Variants in ZNF865 observed in about 807,000 individuals in gnomAD.
The protein encoded by ZNF865 is zinc finger protein 865.
For synonymous variants in ZNF865, 763 were observed against 750.8 expected (o/e 1.02, Z -0.27); for missense variants, 1,311 against 1,593.4 (o/e 0.82, Z 3.02).
chr19:55,614,825 G>C lies in ZNF865; in HGVS notation c.1207G>C (p.Asp403His), dbSNP rs1169420897. 7 of 1,537,182 alleles carry C rather than the reference G, an allele frequency of 4.6e-6. No homozygotes were observed. The highest frequency in any genetic ancestry group is 6.1e-6 in the Non-Finnish European group (7 of 1,148,454). ...GCGCCACGTGAAGACGCACTCGGCC[G>C]ACCTCCTGCGCCTGCCCTGCGGCAT... ...LKRHVKTHSA[D>H]LLRLPCGICG... The change falls in exon 2 of 2, where the codon GAC becomes CAC. Residue 403 changes from aspartate to histidine, a missense_variant. By Grantham distance (81) the Asp-to-His change is moderately conservative. Coordinates refer to ENST00000568956, the MANE Select transcript of ZNF865 (RefSeq NM_001195605.2). This position sits in a 1 kb window ranked among gnomAD's most constrained non-coding sequence, Gnocchi z 8.0.
chr19:55,608,242 G>A (rs1374864129), intron 1 of ZNF865, among the ~76,000 whole-genome samples: 1 of 151,924 alleles, frequency 6.6e-6, no homozygotes, highest in East Asian at 1.9e-4. Flanking sequence ...CAAAGGCCCT[G>A]CAGCAGGAAT....
At position 55,616,845 on chromosome 19, in the gene ZNF865, C is replaced by G; in HGVS notation, c.*47C>G. On this transcript the variant is annotated 3_prime_UTR_variant, in exon 2 of 2. Coordinates refer to ENST00000568956, the MANE Select transcript of ZNF865 (RefSeq NM_001195605.2). ...CCCATCAAAAGCCCCCTTCTGGACT[C>G]CCACCTCCCAGGACTGATCAGACTC... 1 of 1,427,126 alleles carries G rather than the reference C, an allele frequency of 7.0e-7. No homozygotes were observed. The highest frequency in any genetic ancestry group is 9.1e-7 in the Non-Finnish European group (1 of 1,093,366). 88.4% of individuals were successfully genotyped at this position (1,427,126 alleles called of 1,614,324 possible).
Position 55,615,836 on chromosome 19 carries a change from TC to T in ZNF865, c.2220del (p.Ser741AlafsTer68). 6.6e-7 allele frequency: 1 copy of T among 1,504,042 alleles called. No individual in the cohort carries two copies. The highest frequency in any genetic ancestry group is 8.8e-7 in the Non-Finnish European group (1 of 1,133,328). 93.2% of individuals were successfully genotyped at this position (1,504,042 alleles called of 1,614,324 possible). On this transcript the variant is annotated frameshift_variant, in exon 2 of 2. Transcript: ENST00000568956. LOFTEE classifies it low-confidence loss of function (END_TRUNC). The part of the protein sequence containing the change: ...APGGLQPPDG[S>X]SGTDAASVLD... The stretch of plus-strand genomic sequence containing the variant: ...CGGCGGCCTGCAGCCCCCGGACGGC[TC>T]CAGCGGCACGGATGCGGCCAGCGTG...
rs1024010365 is a variant in ZNF865, at chr19:55,615,115, C to T, written c.1497C>T (p.Pro499=). 1,193 of 1,201,184 alleles carry T rather than the reference C, an allele frequency of 9.9e-4. No homozygotes were observed. Among genetic ancestry groups the T allele is most frequent in the Non-Finnish European group, 1.2e-3 (1,148 of 967,464 alleles). 74.4% of individuals were successfully genotyped at this position (1,201,184 alleles called of 1,614,324 possible). Residue 499 remains proline, a synonymous_variant, in exon 2 of 2, where the codon CCC becomes CCT. Transcript: ENST00000568956. The part of the protein sequence containing the change: ...PGPYLLPPDP[P]TTDSEKAAAA... ...CGTACCTCCTGCCCCCCGACCCTCC[C>T]ACCACAGACAGCGAGAAGGCGGCGG...
At chr19:55,606,112 C>A (rs1600005617) in intron 1 of ZNF865, among the ~76,000 whole-genome samples, 1 of 152,256 alleles carries the variant, frequency 6.6e-6, no homozygotes, top group African/African-American at 2.4e-5. Flanking sequence ...CTCGTGAACC[C>A]TCTTATTAGT....
Position 55,615,926 on chromosome 19 carries a change from G to T in ZNF865, c.2308G>T (p.Gly770Cys). 1 of 1,498,992 alleles carries T rather than the reference G, an allele frequency of 6.7e-7. No individual in the cohort carries two copies. The allele number at this position is 1,498,992 out of a possible 1,614,324, so 92.9% of individuals were successfully genotyped here. A position where few individuals can be genotyped will look rare whatever the true frequency, so the allele number is the denominator to read the frequency against. ...AVAALAGVSG[G>C]EDAGGAAVAG... ...GGCGGCACTGGCAGGGGTGTCTGGGGGTGAGGACGCAGGCGGGGCGGCGGT... is the reference window on the plus strand; with the variant it reads ...GGCGGCACTGGCAGGGGTGTCTGGGTGTGAGGACGCAGGCGGGGCGGCGGT... The change falls in exon 2 of 2, where the codon GGT becomes TGT. Residue 770 changes from glycine to cysteine, a missense_variant. Coordinates refer to ENST00000568956, the MANE Select transcript of ZNF865 (RefSeq NM_001195605.2).
rs964593623 is a variant in ZNF865 at position 55,615,529 on chromosome 19, C to T, written c.1911C>T (p.Ala637=). The part of the protein sequence containing the change: ...VHRLQLPCAL[A]GAAGLPSTQG... ...GGCTCCAGCTGCCCTGCGCCCTGGC[C>T]GGGGCAGCCGGCCTCCCCTCCACCC... The change falls in exon 2 of 2, where the codon GCC becomes GCT. Residue 637 remains alanine (A), a synonymous_variant. Coordinates refer to ENST00000568956, the MANE Select transcript of ZNF865 (RefSeq NM_001195605.2). 4.9e-5 allele frequency: 74 copies of T among 1,505,546 alleles called. No individual in the cohort carries two copies. In the African/African-American group the frequency reaches 6.8e-4, roughly 14 times the overall value. The allele number at this position is 1,505,546 out of a possible 1,614,324, so 93.3% of individuals were successfully genotyped here.
At chr19:55,606,017 C>T (rs1205170525) in intron 1 of ZNF865, among the ~76,000 whole-genome samples, 4 of 152,164 alleles carry the variant, frequency 2.6e-5, no homozygotes, top group Non-Finnish European at 5.9e-5. Context: ...GTAGGATCCC[C>T]TCCACATAGC....
chr19:55,610,138 A>G (rs1347868207), intron 1 of ZNF865, among the ~76,000 whole-genome samples: 1 of 152,212 alleles, frequency 6.6e-6, no homozygotes, highest in African/African-American at 2.4e-5. Context: ...TTCATTCCAC[A>G]AATACCAAGA....
chr19:55,616,490 C>G lies in ZNF865; in HGVS notation c.2872C>G (p.Arg958Gly), dbSNP rs1473395472. The change falls in exon 2 of 2, where the codon CGC becomes GGC. Residue 958 changes from arginine to glycine, a missense_variant. Arg to Gly is a moderately radical substitution (Grantham distance 125). Coordinates refer to ENST00000568956, the MANE Select transcript of ZNF865 (RefSeq NM_001195605.2). Reference sequence around the variant, plus strand: ...GCACCAGCGGCTGCACCTGGGCGAGCGCGCCTACCGCTGTGAGCACTGCGG... The same window carrying G: ...GCACCAGCGGCTGCACCTGGGCGAGGGCGCCTACCGCTGTGAGCACTGCGG... ...LEHQRLHLGE[R>G]AYRCEHCGKG... 12 of 1,533,716 alleles carry G rather than the reference C, an allele frequency of 7.8e-6. No individual in the cohort carries two copies. In the African/African-American group the frequency reaches 1.6e-4, roughly 21 times the overall value.
In ZNF865 at chr19:55,617,160, T is replaced by A. The variant is rs1313869703; in HGVS notation, c.*362T>A. ...CTGGACAGTGGAGTATGAGCAGAGT[T>A]GGGAGGGCACAAGGGAGTGCTGGGT... is the stretch of plus-strand genomic sequence containing the variant. On this transcript the variant is annotated 3_prime_UTR_variant, in exon 2 of 2. Transcript: ENST00000568956. 7.3e-5 allele frequency: 2 copies of A among 27,388 alleles called. No individual in the cohort carries two copies. The highest frequency in any genetic ancestry group is 1.1e-3 in the Admixed American group (2 of 1,856). 1.7% of individuals were successfully genotyped at this position (27,388 alleles called of 1,614,324 possible).
rs1341529738 is a variant in ZNF865, at chr19:55,616,158, G to A, written c.2540G>A (p.Gly847Asp). The A allele has an allele frequency of 5.3e-6, 8 of 1,508,662 alleles. No individual in the cohort carries two copies. Among genetic ancestry groups the A allele is most frequent in the Non-Finnish European group, 7.1e-6 (8 of 1,132,334 alleles). The allele number at this position is 1,508,662 out of a possible 1,614,324, so 93.5% of individuals were successfully genotyped here. A position where few individuals can be genotyped will look rare whatever the true frequency, so the allele number is the denominator to read the frequency against. Residue 847 changes from glycine (G) to aspartate (D), a missense_variant, in exon 2 of 2, where the codon GGT (glycine) becomes GAT (aspartate). Coordinates refer to ENST00000568956, the MANE Select transcript of ZNF865 (RefSeq NM_001195605.2). ...LHRRSHRQKR[G>D]FRCPVCGKRF... Reference sequence around the variant, plus strand: ...CGCCGCAGCCATCGGCAGAAGCGGGGTTTCCGCTGCCCGGTGTGCGGGAAG... The same window carrying A: ...CGCCGCAGCCATCGGCAGAAGCGGGATTTCCGCTGCCCGGTGTGCGGGAAG...
Position 55,616,154 on chromosome 19 carries a change from C to G in ZNF865, c.2536C>G (p.Arg846Gly). 1 of 1,504,666 alleles carries G rather than the reference C, an allele frequency of 6.6e-7. No homozygotes were observed. The highest frequency in any genetic ancestry group is 1.2e-5 in the South Asian group (1 of 81,190). 93.2% of individuals were successfully genotyped at this position (1,504,666 alleles called of 1,614,324 possible). A position where few individuals can be genotyped will look rare whatever the true frequency, so the allele number is the denominator to read the frequency against. The stretch of plus-strand genomic sequence containing the variant: ...ACACCGCCGCAGCCATCGGCAGAAG[C>G]GGGGTTTCCGCTGCCCGGTGTGCGG... Reference protein sequence around the residue: ...LLHRRSHRQKRGFRCPVCGKR... With the variant: ...LLHRRSHRQKGGFRCPVCGKR... Residue 846 changes from arginine to glycine, a missense_variant, in exon 2 of 2, where the codon CGG (arginine) becomes GGG (glycine). Physicochemically the swap from Arg to Gly is moderately radical, Grantham distance 125. Transcript: ENST00000568956.
chr19:55,614,632 GC>G lies in ZNF865; in HGVS notation c.1019del (p.Pro340LeufsTer54). 1 of 1,531,276 alleles carries G rather than the reference GC, an allele frequency of 6.5e-7. No homozygotes were observed. The highest frequency in any genetic ancestry group is 8.7e-7 in the Non-Finnish European group (1 of 1,145,076). 94.9% of individuals were successfully genotyped at this position (1,531,276 alleles called of 1,614,324 possible). ...GCGCCGCCCCTGCTGGTGTTGGGGT[GC>G]CCCCTCCTGCCACCGGGGGTGGCGA... ...GSAAPAGVGV[P>X]PPATGGGDGP... is the part of the protein sequence containing the mutation. On this transcript the variant is annotated frameshift_variant, in exon 2 of 2. Transcript: ENST00000568956. LOFTEE classifies it low-confidence loss of function (END_TRUNC). This position sits in a 1 kb window ranked among gnomAD's most constrained non-coding sequence, Gnocchi z 8.0.
rs1981221382 is a variant in ZNF865 at position 55,613,714 on chromosome 19, C to A, written c.96C>A (p.Asp32Glu). 2 of 1,534,716 alleles carry A rather than the reference C, an allele frequency of 1.3e-6. No homozygotes were observed. Among genetic ancestry groups the A allele is most frequent in the Non-Finnish European group, 1.7e-6 (2 of 1,146,262 alleles). The change falls in exon 2 of 2, where the codon GAC becomes GAA. Residue 32 changes from aspartate (D) to glutamate (E), a missense_variant. By Grantham distance (45) the Asp-to-Glu change is conservative (BLOSUM62 2). Coordinates refer to ENST00000568956, the MANE Select transcript of ZNF865 (RefSeq NM_001195605.2). ...DGVHFQSYPF[D>E]FLEFLNHQRF... is the part of the protein sequence containing the mutation. ...TGCACTTCCAGAGCTACCCCTTCGACTTCCTGGAATTCCTCAACCACCAGC... is the reference window on the plus strand; with the variant it reads ...TGCACTTCCAGAGCTACCCCTTCGAATTCCTGGAATTCCTCAACCACCAGC...
rs1400406122 is a variant in ZNF865, at chr19:55,616,501, C to A, written c.2883C>A (p.Arg961=). ...TGCACCTGGGCGAGCGCGCCTACCG[C>A]TGTGAGCACTGCGGCAAGGGCTTCT... The part of the protein sequence containing the change: ...QRLHLGERAY[R]CEHCGKGFFY... The change falls in exon 2 of 2, where the codon CGC becomes CGA. Residue 961 remains arginine, a synonymous_variant. Transcript: ENST00000568956. The A allele has an allele frequency of 6.5e-7, 1 of 1,534,678 alleles. No individual in the cohort carries two copies. The highest frequency in any genetic ancestry group is 8.7e-7 in the Non-Finnish European group (1 of 1,146,208).
In ZNF865 at chr19:55,616,763, G is replaced by A. The variant is rs1487481839; in HGVS notation, c.3145G>A (p.Ala1049Thr). 1 of 1,458,928 alleles carries A rather than the reference G, an allele frequency of 6.9e-7. No individual in the cohort carries two copies. Among genetic ancestry groups the A allele is most frequent in the African/African-American group, 1.4e-5 (1 of 70,130 alleles). 90.4% of individuals were successfully genotyped at this position (1,458,928 alleles called of 1,614,324 possible). The change falls in exon 2 of 2, where the codon GCA becomes ACA. Residue 1049 changes from alanine to threonine, a missense_variant. Physicochemically the swap from Ala to Thr is moderately conservative, Grantham distance 58 (BLOSUM62 0). Transcript: ENST00000568956. ...GGCCGAGAACCTCGGGGGGCCTGGA[G>A]CAGGGGCGGGCACCTTGGCCGGGAA... ...HKAENLGGPG[A>T]GAGTLAGKDA
chr19:55,616,631 C>T lies in ZNF865; in HGVS notation c.3013C>T (p.Arg1005Cys). ...GGCCTTCAAGGATCCCGGCTACTTC[C>T]GTAAGCACCTGGCTGCCCACCAGGG... is the stretch of plus-strand genomic sequence containing the variant. ...LKAFKDPGYF[R>C]KHLAAHQGGR... The change falls in exon 2 of 2, where the codon CGT (arginine) becomes TGT (cysteine). Residue 1005 changes from arginine (R) to cysteine (C), a missense_variant. Coordinates refer to ENST00000568956, the MANE Select transcript of ZNF865 (RefSeq NM_001195605.2). The T allele has an allele frequency of 6.5e-7, 1 of 1,527,322 alleles. No individual in the cohort carries two copies. Among genetic ancestry groups the T allele is most frequent in the Non-Finnish European group, 8.8e-7 (1 of 1,142,660 alleles). The allele number at this position is 1,527,322 out of a possible 1,614,324, so 94.6% of individuals were successfully genotyped here.
At chr19:55,608,426 T>C (rs1366688520) in intron 1 of ZNF865, among the ~76,000 whole-genome samples, 7 of 150,886 alleles carry the variant, frequency 4.6e-5, no homozygotes, top group African/African-American at 1.7e-4. Flanking sequence ...GTGATTCTCC[T>C]GCCTCAGCCT....
Sources: gnomAD v4.1 joint callset for allele counts (sites outside exome capture counted in the v4.1 genomes callset) on GRCh38, gnomAD v4.1.1 for gene constraint, Gnocchi (gnomAD v3.1) non-coding constraint, MANE v1.5 for transcripts, NCBI Gene and HGNC (gene_info 2026-07-23, HGNC 2026-07-21) for gene names.